FRZB: variants seen among roughly 807,000 people sequenced by gnomAD.
FRZB encodes the protein secreted frizzled-related protein 3.
Under a neutral mutation model 32.5 loss-of-function variants are expected in FRZB, and 34 were observed. The ratio of observed to expected loss-of-function variants is 1.05; its 90% confidence interval spans 0.80 to 1.39. FRZB has a LOEUF of 1.39. Among genes scored for constraint, FRZB ranks in the 40% most tolerant of loss-of-function variants. The probability of loss-of-function intolerance (pLI) is 0.00; values close to 1 mark genes in which losing one functional copy is unlikely to be tolerated. For synonymous variants in FRZB, 170 were observed against 159.2 expected (o/e 1.07, Z -0.51); for missense variants, 423 against 424.8 (o/e 1.00, Z 0.04).
intron 3 of FRZB, among the ~76,000 whole-genome samples, chr2:182,842,159 G>A (rs574672582): frequency 7.9e-4 from 120 of 152,216 alleles, no homozygotes; most frequent in African/African-American, 2.9e-3. Flanking sequence ...CCCAACTTGA[G>A]CTCAAATCCT....
At chr2:182,839,386 T>C (rs1042627005) in intron 3 of FRZB, among the ~76,000 whole-genome samples, 2 of 152,090 alleles carry the variant, frequency 1.3e-5, no homozygotes, top group African/African-American at 4.8e-5. Context: ...TGGTCACCAC[T>C]AGATCTTATT....
At chr2:182,839,599 T>C (rs1695564937) in intron 3 of FRZB, among the ~76,000 whole-genome samples, 1 of 152,084 alleles carries the variant, frequency 6.6e-6, no homozygotes. Context: ...ACTCAGAATC[T>C]AGAAAGTACA....
chr2:182,853,788 A>G (rs1345620068), intron 2 of FRZB, among the ~76,000 whole-genome samples: 1 of 152,230 alleles, frequency 6.6e-6, no homozygotes, highest in East Asian at 1.9e-4. Flanking sequence ...AAGGCAGGAC[A>G]TACTCACCAA....
At chr2:182,835,124 G>C (rs1695509483) in intron 5 of FRZB, among the ~76,000 whole-genome samples, 159 bp from the exon 6 acceptor site, 1 of 152,086 alleles carries the variant, frequency 6.6e-6, no homozygotes, top group Non-Finnish European at 1.5e-5. Context: ...CAAGAAAACT[G>C]ATGCAATATG....
At chr2:182,864,164 T>C (rs1454617115) in intron 1 of FRZB, among the ~76,000 whole-genome samples, 1 of 152,258 alleles carries the variant, frequency 6.6e-6, no homozygotes, top group African/African-American at 2.4e-5. Flanking sequence ...TCCACAGTGA[T>C]TGGTAACTCA....
chr2:182,863,281 T>C (rs1241235767), intron 1 of FRZB, among the ~76,000 whole-genome samples: 1 of 152,236 alleles, frequency 6.6e-6, no homozygotes, highest in Non-Finnish European at 1.5e-5. Flanking sequence ...ATCACTAACT[T>C]GCTGAATGAC....
At chr2:182,850,813 A>G (rs2105758822) in intron 2 of FRZB, among the ~76,000 whole-genome samples, 1 of 152,282 alleles carries the variant, frequency 6.6e-6, no homozygotes, top group Non-Finnish European at 1.5e-5. Context: ...TGTTTTCCTT[A>G]GTGGCTATAC....
Position 182,833,307 on chromosome 2 carries a change from G to A in FRZB, c.*1542C>T, listed in dbSNP as rs1034050441. 2.0e-5 allele frequency: 3 copies of A among 152,090 alleles called. No individual in the cohort carries two copies. Among genetic ancestry groups the A allele is most frequent in the East Asian group, 1.9e-4 (1 of 5,178 alleles). The allele number at this position is 152,090 out of a possible 1,614,324, so 9.4% of individuals were successfully genotyped here. ...TTCATAAGCATTTTATTTTCAGCACGCCACAGCTTAGAAATTTGGTTCTAC... is the reference window on the plus strand; with the variant it reads ...TTCATAAGCATTTTATTTTCAGCACACCACAGCTTAGAAATTTGGTTCTAC... On this transcript the variant is annotated 3_prime_UTR_variant, in exon 6 of 6. Coordinates refer to ENST00000295113, the MANE Select transcript of FRZB (RefSeq NM_001463.4).
At chr2:182,838,649 G>T in intron 3 of FRZB, 36 bp from the exon 4 acceptor site, 2 of 1,554,236 alleles carry the variant, frequency 1.3e-6, no homozygotes, top group South Asian at 2.2e-5. Flanking sequence ...ATAATAATAT[G>T]ACACATAATA....
chr2:182,846,464 C>T (rs1695641773), intron 2 of FRZB, among the ~76,000 whole-genome samples: 1 of 152,146 alleles, frequency 6.6e-6, no homozygotes, highest in African/African-American at 2.4e-5. Context: ...CAGATCTGTG[C>T]TTAGGATTTA....
intron 2 of FRZB, among the ~76,000 whole-genome samples, chr2:182,843,810 A>G (rs1695611049): frequency 8.6e-5 from 13 of 152,002 alleles, no homozygotes; most frequent in Admixed American, 8.5e-4. Context: ...GTGTGCCTGT[A>G]GTTTCAGCTA....
Position 182,834,649 on chromosome 2 carries a change from C to T in FRZB, c.*200G>A. ...AACTCACAATATACTTAAGAGTCTG[C>T]CCCCAAACCATTACAAAGGGGTTGA... On this transcript the variant is annotated 3_prime_UTR_variant, in exon 6 of 6. Transcript: ENST00000295113. 3 of 578,534 alleles carry T rather than the reference C, an allele frequency of 5.2e-6. No homozygotes were observed. The highest frequency in any genetic ancestry group is 2.8e-5 in the East Asian group (1 of 35,670). 35.8% of individuals were successfully genotyped at this position (578,534 alleles called of 1,614,324 possible).
intron 2 of FRZB, among the ~76,000 whole-genome samples, chr2:182,852,891 G>A (rs187670901): frequency 2.0e-5 from 3 of 152,318 alleles, no homozygotes; most frequent in Admixed American, 2.0e-4. Context: ...GTTAAGCTTT[G>A]AGGCAAAGAA....
chr2:182,840,670 GA>G (rs1695577474), intron 3 of FRZB, among the ~76,000 whole-genome samples: 1 of 151,972 alleles, frequency 6.6e-6, no homozygotes, highest in Non-Finnish European at 1.5e-5. Context: ...GAAACTGTAA[GA>G]AATCCCAGAC....
chr2:182,864,533 CT>C (rs1294389247), intron 1 of FRZB, among the ~76,000 whole-genome samples: 2 of 152,172 alleles, frequency 1.3e-5, no homozygotes, highest in Non-Finnish European at 2.9e-5. Flanking sequence ...GCACAACTAG[CT>C]TTTGGTTCTT....
At chr2:182,840,725 C>T (rs531008481) in intron 3 of FRZB, among the ~76,000 whole-genome samples, 1 of 152,114 alleles carries the variant, frequency 6.6e-6, no homozygotes, top group South Asian at 2.1e-4. Flanking sequence ...TATTACTTGG[C>T]TACAAAAAAG....
intron 1 of FRZB, among the ~76,000 whole-genome samples, chr2:182,862,513 T>C (rs866664373): frequency 6.6e-6 from 1 of 152,218 alleles, no homozygotes; most frequent in Admixed American, 6.5e-5. Context: ...ACTTTATATA[T>C]TTAGAAGAAA....
intron 5 of FRZB, among the ~76,000 whole-genome samples, chr2:182,835,776 A>G (rs1695518321): frequency 6.6e-6 from 1 of 152,046 alleles, no homozygotes; most frequent in Non-Finnish European, 1.5e-5. Context: ...GAAGATTTTC[A>G]TTACTAACAA....
At chr2:182,849,542 T>C (rs1485630654) in intron 2 of FRZB, among the ~76,000 whole-genome samples, 1 of 152,216 alleles carries the variant, frequency 6.6e-6, no homozygotes, top group East Asian at 1.9e-4. Context: ...TTAAATTTTA[T>C]TTTGGATTAC....
Sources: allele counts gnomAD v4.1 joint callset (sites outside exome capture counted in the v4.1 genomes callset), GRCh38; gene constraint gnomAD v4.1.1; transcripts MANE v1.5; gene names NCBI Gene and HGNC (gene_info 2026-07-23, HGNC 2026-07-21).